Variants in NOX4 observed in about 807,000 individuals in gnomAD.
NOX4 encodes NADPH oxidase 4, also known as kidney oxidase-1.
NOX4 carries 69 observed loss-of-function variants against 87.6 expected under a neutral mutation model. That is an observed-to-expected ratio of 0.79 (90% CI 0.65 to 0.96). The LOEUF is 0.96. Among genes scored for constraint, NOX4 ranks in the 40% least tolerant of loss-of-function variants. NOX4 has a pLI of 0.00. For missense variants in NOX4, 680 were observed against 681.5 expected, an observed-to-expected ratio of 1.00 and a Z score of 0.02; for synonymous variants, 275 against 238.2, an observed-to-expected ratio of 1.15 and a Z score of -1.42.
At chr11:89,486,844 G>A (rs557467153) in intron 2 of NOX4, among the ~76,000 whole-genome samples, 38 of 151,722 alleles carry the variant, frequency 2.5e-4, no homozygotes, top group Non-Finnish European at 4.9e-4. Flanking sequence ...AATTTTTGTA[G>A]TTCCACAACT....
the NOX4 span, among the ~76,000 whole-genome samples, chr11:89,514,649 GGTTTGTTT>G: frequency 9.9e-5 from 15 of 151,658 alleles, no homozygotes; most frequent in African/African-American, 2.9e-4. Flanking sequence ...TTAAGTTGAG[GGTTTGTTT>G]GTTTGTTTGT....
intron 2 of NOX4, among the ~76,000 whole-genome samples, chr11:89,481,853 C>G (rs902506988): frequency 6.6e-6 from 1 of 152,000 alleles, no homozygotes; most frequent in Non-Finnish European, 1.5e-5. Context: ...GAGCATTGCC[C>G]AGAAGAAAGT....
intron 13 of NOX4, among the ~76,000 whole-genome samples, chr11:89,347,411 T>G (rs1946264358): frequency 6.6e-6 from 1 of 152,220 alleles, no homozygotes; most frequent in South Asian, 2.1e-4. Context: ...ACGAGAATGG[T>G]GATGAGAATT....
intron 12 of NOX4, among the ~76,000 whole-genome samples, chr11:89,356,018 T>G (rs1403849124): frequency 6.6e-6 from 1 of 152,116 alleles, no homozygotes; most frequent in Non-Finnish European, 1.5e-5. Context: ...ATGAATCATA[T>G]TAATATAATG....
In NOX4 at chr11:89,482,016, A is replaced by C. The variant is rs1042461418; in HGVS notation, c.153+8442T>G. Among the ~76,000 whole-genome samples, 6 of 152,112 alleles carry C rather than the reference A, an allele frequency of 3.9e-5. No homozygotes were observed. In the South Asian group the frequency reaches 1.2e-3, roughly 31 times the overall value. ...TACTCTTGATGCCAAGATCTAAAAA[A>C]TCAAAATAAAATATTGATGCTACTC... On this transcript the variant is annotated intron_variant, in intron 2 of 17. Coordinates refer to ENST00000263317, the MANE Select transcript of NOX4 (RefSeq NM_016931.5).
intron 2 of NOX4, among the ~76,000 whole-genome samples, chr11:89,456,944 C>T (rs1201775710): frequency 6.6e-6 from 1 of 152,134 alleles, no homozygotes; most frequent in African/African-American, 2.4e-5. Context: ...AATTGCACAT[C>T]CTCTGTCTGC....
chr11:89,548,519 A>G, the NOX4 span: 1 of 152,272 alleles, frequency 6.6e-6, no homozygotes, highest in African/African-American at 2.4e-5. Flanking sequence ...GCAAAAAAAG[A>G]TCTAAAGACT....
At chr11:89,534,894 C>G in the NOX4 span, among the ~76,000 whole-genome samples, 4 of 152,168 alleles carry the variant, frequency 2.6e-5, no homozygotes, top group Non-Finnish European at 4.4e-5. Flanking sequence ...ATTGTGACTG[C>G]TTGTGTCTAG....
At chr11:89,541,007 G>A in the NOX4 span, among the ~76,000 whole-genome samples, 19 of 151,792 alleles carry the variant, frequency 1.3e-4, no homozygotes, top group African/African-American at 4.4e-4. Context: ...ATTTTTCTGA[G>A]GACTTACCAA....
At chr11:89,547,316 A>C in the NOX4 span, among the ~76,000 whole-genome samples, 1 of 152,328 alleles carries the variant, frequency 6.6e-6, no homozygotes, top group South Asian at 2.1e-4. Context: ...AATGAGGTAC[A>C]GTAAATTTTC....
the NOX4 span, among the ~76,000 whole-genome samples, chr11:89,550,006 A>C: frequency 6.6e-6 from 1 of 152,120 alleles, no homozygotes; most frequent in Non-Finnish European, 1.5e-5. Context: ...TCCTTTGGGT[A>C]TATGCCCGGT....
At position 89,491,270 on chromosome 11, in the gene NOX4, C is replaced by T. The variant is rs1240726864; in HGVS notation, c.-24G>A. ...ATGCCGCCGGCCCCGCCGCGCTGCGCTCTGTGCCCGCCGGACCGAGAAGGA... is the reference window on the plus strand; with the variant it reads ...ATGCCGCCGGCCCCGCCGCGCTGCGTTCTGTGCCCGCCGGACCGAGAAGGA... On this transcript the variant is annotated 5_prime_UTR_variant, in exon 1 of 18. Coordinates refer to ENST00000263317, the MANE Select transcript of NOX4 (RefSeq NM_016931.5). 2 of 1,609,998 alleles carry T rather than the reference C, an allele frequency of 1.2e-6. No homozygotes were observed. Among genetic ancestry groups the T allele is most frequent in the Non-Finnish European group, 1.7e-6 (2 of 1,178,108 alleles).
chr11:89,405,743 G>T (rs1942134560), intron 8 of NOX4, among the ~76,000 whole-genome samples: 1 of 118,502 alleles, frequency 8.4e-6, no homozygotes. Flanking sequence ...CCACCTACTG[G>T]TTAAAAAAGA....
chr11:89,361,690 G>A (rs1398987337), intron 12 of NOX4, among the ~76,000 whole-genome samples: 3 of 152,144 alleles, frequency 2.0e-5, no homozygotes, highest in Non-Finnish European at 4.4e-5. Flanking sequence ...GGGGCCACAT[G>A]TCTTTGTTTG....
chr11:89,361,418 C>T (rs111997227), intron 12 of NOX4, among the ~76,000 whole-genome samples: 1 of 151,960 alleles, frequency 6.6e-6, no homozygotes, highest in Non-Finnish European at 1.5e-5. Context: ...GACTCAAAGA[C>T]ATAAGAAAGA....
chr11:89,415,381 A>G (rs2135240447), intron 8 of NOX4, among the ~76,000 whole-genome samples: 1 of 152,224 alleles, frequency 6.6e-6, no homozygotes, highest in Admixed American at 6.6e-5. Context: ...CCCACAATGC[A>G]GTGATTCTAA....
intron 8 of NOX4, among the ~76,000 whole-genome samples, chr11:89,411,179 T>C (rs1942459708): frequency 6.6e-6 from 1 of 152,044 alleles, no homozygotes; most frequent in African/African-American, 2.4e-5. Context: ...AGATTAATCA[T>C]CTTCTGACTA....
intron 2 of NOX4, among the ~76,000 whole-genome samples, chr11:89,464,760 A>G (rs2135424981): frequency 6.6e-6 from 1 of 152,328 alleles, no homozygotes; most frequent in South Asian, 2.1e-4. Context: ...TCAACTGAGG[A>G]TTCCATATGT....
intron 11 of NOX4, among the ~76,000 whole-genome samples, chr11:89,396,388 C>A (rs929302600): frequency 3.9e-5 from 6 of 152,048 alleles, no homozygotes; most frequent in Non-Finnish European, 7.4e-5. Context: ...TGCTTATCAG[C>A]TTAAGGAGAT....
Sources: allele counts gnomAD v4.1 joint callset (sites outside exome capture counted in the v4.1 genomes callset), GRCh38; gene constraint gnomAD v4.1.1; transcripts MANE v1.5; gene names NCBI Gene and HGNC (gene_info 2026-07-23, HGNC 2026-07-21).